The following ASH1L variants were observed in gnomAD, a reference collection of about 807,000 sequenced individuals.
ASH1L encodes histone-lysine N-methyltransferase ASH1L.
A neutral mutation model predicts 269.0 loss-of-function variants in ASH1L; 23 were observed. That is an observed-to-expected ratio of 0.09 (90% CI 0.06 to 0.12). The LOEUF is 0.12. Ranked by LOEUF, ASH1L falls within the 10% of genes least tolerant of loss-of-function variation. ASH1L has a pLI of 1.00. For missense variants in ASH1L, 2,912 were observed against 3,567.8 expected (o/e 0.82, Z 4.68); for synonymous variants, 1,187 against 1,253.5 (o/e 0.95, Z 1.12).
At chr1:155,395,093 C>T (rs533096307) in intron 7 of ASH1L, among the ~76,000 whole-genome samples, 24 of 152,232 alleles carry the variant, frequency 1.6e-4, no homozygotes, top group Admixed American at 1.2e-3. Context: ...TGTGCCACCA[C>T]GTCCAGCTAA....
intron 1 of ASH1L, among the ~76,000 whole-genome samples, chr1:155,544,911 G>A (rs1454065212): frequency 1.3e-5 from 2 of 151,616 alleles, no homozygotes; most frequent in East Asian, 3.9e-4. Flanking sequence ...AGTGGCCCAC[G>A]CCTGTAATTC....
chr1:155,452,615 G>T lies in ASH1L; in HGVS notation c.5086+7182C>A, dbSNP rs552833259. ...TCTGTTGCCCAGGCTGGAGTGCAGT[G>T]GTGTAATCTTGGGTTTACAACCTCT... On this transcript the variant is annotated intron_variant, in intron 4 of 27. Transcript: ENST00000392403. 3.3e-5 allele frequency among the ~76,000 whole-genome samples: 5 copies of T among 149,706 alleles called. No homozygotes were observed. The South Asian group carries it at 1.1e-3, about 32-fold the overall frequency.
intron 2 of ASH1L, among the ~76,000 whole-genome samples, chr1:155,509,015 G>A (rs1667992130): frequency 6.6e-6 from 1 of 151,542 alleles, no homozygotes; most frequent in Non-Finnish European, 1.5e-5. Context: ...TTCAACCACA[G>A]ATAAAGATGA....
At chr1:155,382,415 G>A (rs1008951524) in intron 7 of ASH1L, among the ~76,000 whole-genome samples, 1 of 152,102 alleles carries the variant, frequency 6.6e-6, no homozygotes, top group African/African-American at 2.4e-5. Context: ...GGAGAATGGT[G>A]TGAACCCAGG....
chr1:155,499,192 T>G (rs1667350666), intron 2 of ASH1L, among the ~76,000 whole-genome samples: 1 of 152,158 alleles, frequency 6.6e-6, no homozygotes, highest in African/African-American at 2.4e-5. Context: ...GATAAAATAA[T>G]GGCAATACTA....
In ASH1L at chr1:155,479,918, G is replaced by A; in HGVS notation, c.2952C>T (p.Arg984=). Residue 984 remains arginine (R), a synonymous_variant, in exon 3 of 28, where the codon CGC becomes CGT. Transcript: ENST00000392403. ...TTAAAGTCTTCATTTTATTTATTTT[G>A]CGGATAATTGTTTTCATTAATTGTC... ...NNGQLMKTII[R]KINKMKTLKR... 1 of 1,613,306 alleles carries A rather than the reference G, an allele frequency of 6.2e-7. No homozygotes were observed. The highest frequency in any genetic ancestry group is 8.5e-7 in the Non-Finnish European group (1 of 1,179,740).
chr1:155,553,651 T>A (rs2148916255), intron 1 of ASH1L, among the ~76,000 whole-genome samples: 1 of 152,332 alleles, frequency 6.6e-6, no homozygotes, highest in East Asian at 1.9e-4. Context: ...GAAGCCACCC[T>A]AACCTTTCCT....
rs762474193 is a variant in ASH1L at position 155,562,250 on chromosome 1, G to C, written c.-197C>G. 6.3e-5 allele frequency: 101 copies of C among 1,610,270 alleles called. No individual in the cohort carries two copies. The highest frequency in any genetic ancestry group is 2.2e-4 in the East Asian group (10 of 44,846). ...GGCTCCTCCGCTTCCCTGGGTCCAC[G>C]GCGGATCCCTCCCGCTTGTCAGGAG... On this transcript the variant is annotated 5_prime_UTR_variant, in exon 1 of 28. Transcript: ENST00000392403.
intron 3 of ASH1L, among the ~76,000 whole-genome samples, chr1:155,477,345 GTC>G (rs1350014887): frequency 3.3e-5 from 5 of 152,144 alleles, no homozygotes; most frequent in Admixed American, 1.3e-4. Flanking sequence ...AATGAAGTCT[GTC>G]TGAATGAATA....
At chr1:155,433,471 C>A in intron 5 of ASH1L, 1 of 1,610,164 alleles carries the variant, frequency 6.2e-7, no homozygotes. Context: ...AGCCTGAGGG[C>A]GAAGCAGGAG....
chr1:155,502,439 A>G (rs1205447504), intron 2 of ASH1L, among the ~76,000 whole-genome samples: 1 of 152,172 alleles, frequency 6.6e-6, no homozygotes, highest in African/African-American at 2.4e-5. Flanking sequence ...CTATATTTTA[A>G]GCACTGAATT....
chr1:155,422,748 A>G (rs984893053), intron 5 of ASH1L, among the ~76,000 whole-genome samples: 14 of 150,202 alleles, frequency 9.3e-5, no homozygotes, highest in Non-Finnish European at 1.9e-4. Context: ...TCCTGGGTTC[A>G]AGCGATTTCT....
At position 155,478,439 on chromosome 1, in the gene ASH1L, C is replaced by T; in HGVS notation, c.4431G>A (p.Trp1477Ter). 6.2e-7 allele frequency: 1 copy of T among 1,614,120 alleles called. No homozygotes were observed. The highest frequency in any genetic ancestry group is 8.5e-7 in the Non-Finnish European group (1 of 1,180,026). ...GGTGCCTGTGTTTGTGCTCAACCAT[C>T]CAACCATAGGCCATCTCAGGAGGAA... ...PSVPPEMAYG[W>*]MVEHKHRHRH... Residue 1477 changes from tryptophan to a stop codon, truncating the protein, a stop_gained, in exon 3 of 28, where the codon TGG becomes TGA. Coordinates refer to ENST00000392403, the MANE Select transcript of ASH1L (RefSeq NM_018489.3). LOFTEE classifies it high-confidence loss of function. This position sits in a 1 kb window ranked among gnomAD's most constrained non-coding sequence, Gnocchi z 4.6.
chr1:155,396,219 G>T (rs1407502176), intron 6 of ASH1L: 1 of 152,016 alleles, frequency 6.6e-6, no homozygotes, highest in Non-Finnish European at 1.5e-5. Flanking sequence ...GGGAAAAAAA[G>T]AAGGAAAACA....
At chr1:155,374,517 G>A (rs1463660890) in intron 10 of ASH1L, among the ~76,000 whole-genome samples, 1 of 152,144 alleles carries the variant, frequency 6.6e-6, no homozygotes, top group Non-Finnish European at 1.5e-5. Flanking sequence ...TTCAATTTAA[G>A]ATAATCAGCT....
chr1:155,441,758 G>A (rs909033193), intron 4 of ASH1L, among the ~76,000 whole-genome samples: 3 of 147,220 alleles, frequency 2.0e-5, no homozygotes, highest in African/African-American at 7.6e-5. Flanking sequence ...GAGCCACTGC[G>A]CCTGGCCTTT....
intron 1 of ASH1L, among the ~76,000 whole-genome samples, chr1:155,527,531 C>CTTTTT (rs35475547): frequency 4.5e-5 from 5 of 110,818 alleles, no homozygotes; most frequent in Non-Finnish European, 8.9e-5. Context: ...TACGGGATAC[C>CTTTTT]TTTTTTTTTT....
rs545720976 is a variant in ASH1L, at chr1:155,550,845, A to G, written c.-100+11308T>C. 3.9e-5 allele frequency among the ~76,000 whole-genome samples: 6 copies of G among 152,306 alleles called. No homozygotes were observed. In the South Asian group the frequency reaches 1.2e-3, roughly 32 times the overall value. ...TACAGTACTTGACATAAAGATCCAG[A>G]TGGGATCTCATCTTGTTGCCCAGGC... is the stretch of plus-strand genomic sequence containing the variant. On this transcript the variant is annotated intron_variant, in intron 1 of 27. Transcript: ENST00000392403.
chr1:155,378,002 G>A (rs866450542), intron 10 of ASH1L, among the ~76,000 whole-genome samples: 5 of 149,994 alleles, frequency 3.3e-5, no homozygotes, highest in Middle Eastern at 3.4e-3. Context: ...CAGCCTGGGC[G>A]ACAGAGGGAG....
Sources: allele counts gnomAD v4.1 joint callset (sites outside exome capture counted in the v4.1 genomes callset), GRCh38; gene constraint gnomAD v4.1.1; non-coding constraint Gnocchi (gnomAD v3.1); transcripts MANE v1.5; gene names NCBI Gene and HGNC (gene_info 2026-07-23, HGNC 2026-07-21).